SLC25A33: variants seen among roughly 807,000 people sequenced by gnomAD.
SLC25A33 encodes the protein bone marrow stromal cell mitochondrial carrier protein.
In SLC25A33, 15 loss-of-function variants were observed where a neutral mutation model predicts 35.5. That is an observed-to-expected ratio of 0.42 (90% CI 0.28 to 0.65). SLC25A33 has a LOEUF of 0.65. SLC25A33 is among the 30% of genes least tolerant of loss of function. The pLI, the probability that SLC25A33 is intolerant of heterozygous loss-of-function variation, is 0.20. For missense variants in SLC25A33, 257 were observed against 398.5 expected, an observed-to-expected ratio of 0.64 and a Z score of 3.02; for synonymous variants, 136 against 148.7, an observed-to-expected ratio of 0.91 and a Z score of 0.62.
intron 3 of SLC25A33, 71 bp from the exon 4 acceptor site, chr1:9,570,187 C>T: frequency 7.3e-7 from 1 of 1,366,074 alleles, no homozygotes; most frequent in African/African-American, 1.5e-5. Flanking sequence ...GAAAATTTTT[C>T]AGGTGTTCTG....
chr1:9,556,652 C>G (rs904829056), intron 2 of SLC25A33, among the ~76,000 whole-genome samples: 2 of 151,912 alleles, frequency 1.3e-5, no homozygotes, highest in African/African-American at 4.8e-5. Context: ...TCCAGCCCCC[C>G]CCATAAGAGA....
intron 5 of SLC25A33, 79 bp from the exon 6 acceptor site, chr1:9,579,875 C>T: frequency 6.8e-7 from 1 of 1,474,828 alleles, no homozygotes; most frequent in Non-Finnish European, 9.2e-7. Context: ...AAGACCCGTA[C>T]CTGTTCTCCT....
intron 2 of SLC25A33, among the ~76,000 whole-genome samples, chr1:9,559,226 C>T (rs1184300177): frequency 1.3e-5 from 2 of 152,208 alleles, no homozygotes; most frequent in African/African-American, 4.8e-5. Context: ...GTGTAGTTTA[C>T]TTATTTCTAT....
chr1:9,557,704 A>G (rs896382531), intron 2 of SLC25A33, among the ~76,000 whole-genome samples: 1 of 152,254 alleles, frequency 6.6e-6, no homozygotes, highest in Non-Finnish European at 1.5e-5. Flanking sequence ...GCTACTTATC[A>G]TTGTAAAAAT....
chr1:9,555,370 GA>G (rs1643327842), intron 2 of SLC25A33, among the ~76,000 whole-genome samples: 1 of 151,854 alleles, frequency 6.6e-6, no homozygotes, highest in Non-Finnish European at 1.5e-5. Context: ...CGCCCACCTT[GA>G]CCTCCCAAAG....
At chr1:9,575,236 TAAG>T (rs377125067) in intron 5 of SLC25A33, among the ~76,000 whole-genome samples, 176 of 110,486 alleles carry the variant, frequency 1.6e-3, no homozygotes, top group African/African-American at 5.8e-3. Flanking sequence ...AAAAAAAAAA[TAAG>T]AACCCCTGTA....
chr1:9,539,935 T>C (rs1643050823), intron 1 of SLC25A33, among the ~76,000 whole-genome samples, 188 bp downstream of exon 1: 4 of 152,142 alleles, frequency 2.6e-5, no homozygotes, highest in Admixed American at 1.3e-4. Flanking sequence ...CGGGCCTTCC[T>C]CACCCCTACG....
intron 5 of SLC25A33, among the ~76,000 whole-genome samples, chr1:9,575,229 A>T (rs1030547244): frequency 1.3e-4 from 20 of 149,152 alleles, no homozygotes; most frequent in East Asian, 3.9e-4. Flanking sequence ...AAAAAAAAAA[A>T]AAAAAATAAG....
chr1:9,582,810 A>G lies in SLC25A33; in HGVS notation c.*309A>G, dbSNP rs1569885597. On this transcript the variant is annotated 3_prime_UTR_variant, in exon 7 of 7. Coordinates refer to ENST00000302692, the MANE Select transcript of SLC25A33 (RefSeq NM_032315.3). The surrounding 1 kb of genome is among the most constrained non-coding windows in gnomAD (Gnocchi z 4.0). Reference sequence around the variant, plus strand: ...TGTCCTCTTTTATGCTCACTATACTATGAAGGACTTAAGTAATTCAGATAA... The same window carrying G: ...TGTCCTCTTTTATGCTCACTATACTGTGAAGGACTTAAGTAATTCAGATAA... 4 of 297,270 alleles carry G rather than the reference A, an allele frequency of 1.3e-5. No individual in the cohort carries two copies. In the South Asian group the frequency reaches 1.8e-4, roughly 14 times the overall value. 18.4% of individuals were successfully genotyped at this position (297,270 alleles called of 1,614,324 possible).
rs1383882601 is a variant in SLC25A33 at position 9,580,243 on chromosome 1, T to C, written c.763+9T>C. 1.2e-6 allele frequency: 2 copies of C among 1,609,680 alleles called. No homozygotes were observed. The highest frequency in any genetic ancestry group is 1.7e-6 in the Non-Finnish European group (2 of 1,178,166). ...CATTGCTTATCCACACGGTATGTTT[T>C]GCTTTTGTTCTTCCAGAGCAGTAAA... On this transcript the variant is annotated intron_variant, in intron 6 of 6. Coordinates refer to ENST00000302692, the MANE Select transcript of SLC25A33 (RefSeq NM_032315.3).
intron 2 of SLC25A33, among the ~76,000 whole-genome samples, chr1:9,558,708 A>G (rs1418834805): frequency 6.6e-6 from 1 of 152,116 alleles, no homozygotes; most frequent in Non-Finnish European, 1.5e-5. Context: ...TAAATACAGA[A>G]TCTTACCCCT....
intron 2 of SLC25A33, among the ~76,000 whole-genome samples, chr1:9,562,809 C>T (rs1022345332): frequency 2.7e-5 from 4 of 146,508 alleles, no homozygotes; most frequent in African/African-American, 7.6e-5. Flanking sequence ...GCCAAGATCG[C>T]GCCATTGCAC....
rs143391224 is a variant in SLC25A33 at position 9,553,740 on chromosome 1, G to A, written c.171G>A (p.Gly57=). The part of the protein sequence containing the change: ...RTVYYPQVHL[G]TISGAGMVRP... ...TCTACTATCCTCAGGTTCATCTGGG[G>A]ACCATTAGTGGAGCTGGAATGGTGA... Residue 57 remains glycine (G), a synonymous_variant, in exon 2 of 7, where the codon GGG becomes GGA. Transcript: ENST00000302692. 9 of 1,614,162 alleles carry A rather than the reference G, an allele frequency of 5.6e-6. No individual in the cohort carries two copies. The highest frequency in any genetic ancestry group is 1.6e-4 in the Middle Eastern group (1 of 6,062).
At chr1:9,560,370 C>G (rs1239798146) in intron 2 of SLC25A33, among the ~76,000 whole-genome samples, 6 of 151,998 alleles carry the variant, frequency 3.9e-5, no homozygotes, top group African/African-American at 1.4e-4. Context: ...AGAGACTATC[C>G]TGGCTAACAC....
rs545039698 is a variant in SLC25A33, at chr1:9,551,353, G to GACA, written c.57-2272_57-2270dup. ...GCACCACTGCACTCCCAGCCTGGGT[G>GACA]ACAGAGTGAAACTGTCCCCCAAAAA... On this transcript the variant is annotated intron_variant, in intron 1 of 6. Coordinates refer to ENST00000302692, the MANE Select transcript of SLC25A33 (RefSeq NM_032315.3). Among the ~76,000 whole-genome samples, 151 of 152,238 alleles carry GACA rather than the reference G, an allele frequency of 9.9e-4. 1 individual carries two copies. The Middle Eastern group carries it at 0.01, about 10-fold the overall frequency.
chr1:9,551,772 A>T (rs1643269875), intron 1 of SLC25A33, among the ~76,000 whole-genome samples: 1 of 152,178 alleles, frequency 6.6e-6, no homozygotes, highest in Non-Finnish European at 1.5e-5. Flanking sequence ...TTTGCTTAGT[A>T]AACACTGTTT....
At chr1:9,540,540 G>A (rs1318341527) in intron 1 of SLC25A33, among the ~76,000 whole-genome samples, 1 of 152,064 alleles carries the variant, frequency 6.6e-6, no homozygotes, top group Non-Finnish European at 1.5e-5. Context: ...ACCTCCCGCC[G>A]AGAATAGAAG....
chr1:9,539,849 C>G, intron 1 of SLC25A33, 102 bp downstream of exon 1: 1 of 1,109,282 alleles, frequency 9.0e-7, no homozygotes, highest in South Asian at 3.5e-5. Context: ...CCGGCCTTCC[C>G]CGGGCTACGG....
At chr1:9,565,293 G>A (rs1643484891) in intron 2 of SLC25A33, among the ~76,000 whole-genome samples, 1 of 152,066 alleles carries the variant, frequency 6.6e-6, no homozygotes, top group Non-Finnish European at 1.5e-5. Context: ...TAGGTGGGTG[G>A]ATCACGAGGT....
Sources: gnomAD v4.1 joint callset for allele counts (sites outside exome capture counted in the v4.1 genomes callset) on GRCh38, gnomAD v4.1.1 for gene constraint, Gnocchi (gnomAD v3.1) non-coding constraint, MANE v1.5 for transcripts, NCBI Gene and HGNC (gene_info 2026-07-23, HGNC 2026-07-21) for gene names.